The following CACNA1E variants were observed in gnomAD, a reference collection of about 807,000 sequenced individuals.
The protein encoded by CACNA1E is calcium voltage-gated channel subunit alpha1 E, also known as voltage-dependent R-type calcium channel subunit alpha-1E.
Under a neutral mutation model 259.2 loss-of-function variants are expected in CACNA1E, and 40 were observed. The observed-to-expected ratio is 0.15, with a 90% CI of 0.12 to 0.20. The LOEUF (loss-of-function observed/expected upper bound fraction) is 0.20. Ranked by LOEUF, CACNA1E falls within the 10% of genes least tolerant of loss-of-function variation. The pLI is 1.00. For missense variants in CACNA1E, 1,874 were observed against 3,040.1 expected (o/e 0.62, Z 9.02); for synonymous variants, 1,104 against 1,138.5 (o/e 0.97, Z 0.61).
intron 2 of CACNA1E, among the ~76,000 whole-genome samples, chr1:181,431,955 C>G (rs1285991608): frequency 6.6e-6 from 1 of 152,172 alleles, no homozygotes; most frequent in Non-Finnish European, 1.5e-5. Context: ...TGGGGCACTT[C>G]TCTGATGTCA....
intron 4 of CACNA1E, 121 bp downstream of exon 4, chr1:181,577,990 G>C (rs1454175441): frequency 3.4e-6 from 2 of 581,802 alleles, no homozygotes; most frequent in Non-Finnish European, 6.1e-6. Flanking sequence ...AAGCCTCAGT[G>C]GTAATAAATA....
intron 6 of CACNA1E, among the ~76,000 whole-genome samples, chr1:181,641,994 G>A (rs993586004): frequency 6.6e-6 from 1 of 152,024 alleles, no homozygotes; most frequent in African/African-American, 2.4e-5. Context: ...TTACAGGCGT[G>A]AGCCACCGCG....
At chr1:181,718,202 C>T (rs753196736) in intron 12 of CACNA1E, 35 bp downstream of exon 12, 8 of 1,058,616 alleles carry the variant, frequency 7.6e-6, no homozygotes, top group African/African-American at 6.2e-5. Flanking sequence ...GCTCCTGCTT[C>T]GTGTTGATAT....
intron 37 of CACNA1E, among the ~76,000 whole-genome samples, chr1:181,772,927 C>T (rs1031343685): frequency 6.6e-6 from 1 of 152,132 alleles, no homozygotes; most frequent in East Asian, 1.9e-4. Context: ...CATGACTCAG[C>T]ACACCCACTT....
At chr1:181,443,583 A>G (rs1660630261) in intron 2 of CACNA1E, among the ~76,000 whole-genome samples, 1 of 152,264 alleles carries the variant, frequency 6.6e-6, no homozygotes, top group Non-Finnish European at 1.5e-5. Context: ...TGCTGCAGGC[A>G]GGACCACAGT....
intron 6 of CACNA1E, among the ~76,000 whole-genome samples, chr1:181,642,859 G>A (rs1319119586): frequency 1.3e-5 from 2 of 152,182 alleles, no homozygotes; most frequent in Non-Finnish European, 2.9e-5. Flanking sequence ...AGCACCCTGG[G>A]CTGCAGTTGC....
chr1:181,577,378 C>A (rs1240320526), intron 3 of CACNA1E, among the ~76,000 whole-genome samples: 1 of 151,958 alleles, frequency 6.6e-6, no homozygotes, highest in Non-Finnish European at 1.5e-5. Flanking sequence ...ACAGGGGAAC[C>A]TAAGAAAATT....
At chr1:181,491,198 A>G (rs1477531423) in intron 1 of CACNA1E, among the ~76,000 whole-genome samples, 1 of 152,178 alleles carries the variant, frequency 6.6e-6, no homozygotes, top group African/African-American at 2.4e-5. Context: ...ATCAGCGACC[A>G]TTCCTTTCAG....
chr1:181,365,778 C>G lies in CACNA1E; in HGVS notation c.-14-47355C>G, dbSNP rs559118251. ...CCATGGACCTGCTCTGGTGTCCTGA[C>G]GTTTAGCAGGAAATGGCACCTAGGC... On this transcript the variant is annotated intron_variant, in intron 1 of 11. Transcript: ENST00000524607. Among the ~76,000 whole-genome samples, 6 of 152,256 alleles carry G rather than the reference C, an allele frequency of 3.9e-5. No homozygotes were observed. In the South Asian group the frequency reaches 1.2e-3, roughly 32 times the overall value.
intron 2 of CACNA1E, among the ~76,000 whole-genome samples, chr1:181,445,099 A>G (rs1205559634): frequency 6.6e-6 from 1 of 152,210 alleles, no homozygotes; most frequent in African/African-American, 2.4e-5. Flanking sequence ...TTCTTGATCA[A>G]CACTTCTATA....
chr1:181,353,656 G>A (rs967660264), intron 1 of CACNA1E, among the ~76,000 whole-genome samples: 2 of 152,166 alleles, frequency 1.3e-5, no homozygotes, highest in African/African-American at 4.8e-5. Context: ...AGGCATTAAG[G>A]AAATGGGTTC....
At chr1:181,641,510 CT>C (rs35506164) in intron 6 of CACNA1E, among the ~76,000 whole-genome samples, 30,054 of 151,966 alleles carry the variant, frequency 0.2, 3,189 homozygotes, top group South Asian at 0.27. Context: ...CCACCTTCCA[CT>C]TCATGTCTGG....
chr1:181,681,009 CAG>C (rs1241059544), intron 7 of CACNA1E, among the ~76,000 whole-genome samples: 1 of 152,240 alleles, frequency 6.6e-6, no homozygotes, highest in Non-Finnish European at 1.5e-5. Flanking sequence ...GGAAAGGCTG[CAG>C]AGGGAGCACT....
At chr1:181,751,374 G>A (rs1657578698) in intron 26 of CACNA1E, among the ~76,000 whole-genome samples, 1 of 152,256 alleles carries the variant, frequency 6.6e-6, no homozygotes, top group Admixed American at 6.5e-5. Context: ...TGGGCCTGCA[G>A]TTTGGGCCTC....
chr1:181,779,093 C>G (rs1432740842), intron 38 of CACNA1E, among the ~76,000 whole-genome samples: 1 of 152,224 alleles, frequency 6.6e-6, no homozygotes, highest in South Asian at 2.1e-4. Flanking sequence ...CGGTCTGAGT[C>G]ATTTGTGAAT....
At chr1:181,543,317 G>T (rs10910953) in intron 3 of CACNA1E, among the ~76,000 whole-genome samples, 21,911 of 152,166 alleles carry the variant, frequency 0.14, 1,995 homozygotes, top group Non-Finnish European at 0.2. Context: ...AGGGTTTCAG[G>T]TTCCTGAGTA....
At chr1:181,395,058 T>C (rs1218265775) in intron 1 of CACNA1E, among the ~76,000 whole-genome samples, 3 of 152,148 alleles carry the variant, frequency 2.0e-5, no homozygotes, top group Admixed American at 6.5e-5. Flanking sequence ...TTGGTTACTG[T>C]GTTCAGAATA....
At chr1:181,346,098 G>A (rs1469938789) in intron 1 of CACNA1E, among the ~76,000 whole-genome samples, 1 of 152,194 alleles carries the variant, frequency 6.6e-6, no homozygotes, top group African/African-American at 2.4e-5. Flanking sequence ...GCAGCAGGAC[G>A]GCAGGAGTGC....
intron 3 of CACNA1E, among the ~76,000 whole-genome samples, chr1:181,539,459 A>T (rs1351582262): frequency 2.0e-5 from 3 of 152,192 alleles, no homozygotes; most frequent in Non-Finnish European, 4.4e-5. Flanking sequence ...AAAATATTTC[A>T]AGGATACCTT....
Sources: allele counts gnomAD v4.1 joint callset (sites outside exome capture counted in the v4.1 genomes callset), GRCh38; gene constraint gnomAD v4.1.1; transcripts MANE v1.5; gene names NCBI Gene and HGNC (gene_info 2026-07-23, HGNC 2026-07-21).